GSE1: variants seen among roughly 807,000 people sequenced by gnomAD.
GSE1 encodes the protein Gse1 coiled-coil protein.
GSE1 carries 32 observed loss-of-function variants against 112.6 expected under a neutral mutation model. That is an observed-to-expected ratio of 0.28 (90% CI 0.21 to 0.38). The LOEUF (loss-of-function observed/expected upper bound fraction) is 0.38. Among genes scored for constraint, GSE1 ranks in the 10% least tolerant of loss-of-function variants. The probability of loss-of-function intolerance (pLI) is 1.00; values close to 1 mark genes in which losing one functional copy is unlikely to be tolerated. For missense variants in GSE1, 2,348 were observed against 1,699.2 expected, an observed-to-expected ratio of 1.38 and a Z score of -6.71; for synonymous variants, 1,115 against 735.6, an observed-to-expected ratio of 1.52 and a Z score of -8.35.
rs557162618 is a variant in GSE1, at chr16:85,474,352, C to T, written c.2464+116709C>T. On this transcript the variant is annotated intron_variant, in intron 2 of 2. Coordinates refer to the GSE1 transcript ENST00000637419. ...CTGCCCTGCCCTCTGCCCTCCTCCGCATCCTGCCACGTTGGCAGCTGCTGT... is the reference window on the plus strand; with the variant it reads ...CTGCCCTGCCCTCTGCCCTCCTCCGTATCCTGCCACGTTGGCAGCTGCTGT... 1.2e-4 allele frequency among the ~76,000 whole-genome samples: 18 copies of T among 152,278 alleles called. 1 individual carries two copies. The highest frequency in any genetic ancestry group is 4.3e-4 in the African/African-American group (18 of 41,562).
intron 2 of GSE1, among the ~76,000 whole-genome samples, chr16:85,546,814 C>T (rs541238250): frequency 2.0e-5 from 3 of 152,216 alleles, no homozygotes; most frequent in African/African-American, 4.8e-5. Context: ...GGATTCTTGT[C>T]GTTACTGTCA....
At chr16:85,652,871 T>A (rs1275150177) in intron 3 of GSE1, among the ~76,000 whole-genome samples, 1 of 151,998 alleles carries the variant, frequency 6.6e-6, no homozygotes, top group Non-Finnish European at 1.5e-5. Context: ...ATTTCGTGGC[T>A]CAGGGAGGCA....
At chr16:85,647,994 A>G (rs946367936) in intron 2 of GSE1, among the ~76,000 whole-genome samples, 10 of 150,030 alleles carry the variant, frequency 6.7e-5, no homozygotes, top group African/African-American at 2.2e-4. Flanking sequence ...CCCCAAGCAC[A>G]TGGGGGCTCC....
intron 1 of GSE1, among the ~76,000 whole-genome samples, chr16:85,630,160 G>C (rs1048989849): frequency 6.6e-6 from 1 of 152,102 alleles, no homozygotes; most frequent in Non-Finnish European, 1.5e-5. Context: ...CTCATGATAC[G>C]GCAGCTGACC....
At chr16:85,650,524 C>T (rs1401519143) in intron 3 of GSE1, among the ~76,000 whole-genome samples, 1 of 152,228 alleles carries the variant, frequency 6.6e-6, no homozygotes, top group Non-Finnish European at 1.5e-5. Flanking sequence ...ATTCCAGCGC[C>T]TTTTCCGGCG....
At chr16:85,361,105 G>A (rs1159963229) in intron 2 of GSE1, among the ~76,000 whole-genome samples, 1 of 148,462 alleles carries the variant, frequency 6.7e-6, no homozygotes, top group South Asian at 2.2e-4. Context: ...ACACACACGG[G>A]CAGAGACAGA....
At chr16:85,397,857 G>T (rs568379141) in intron 2 of GSE1, among the ~76,000 whole-genome samples, 5 of 152,232 alleles carry the variant, frequency 3.3e-5, no homozygotes, top group Admixed American at 2.0e-4. Context: ...CCTCCAGCCC[G>T]CATAGAAGGA....
At chr16:85,187,260 T>C (rs1017334553) in intron 1 of GSE1, among the ~76,000 whole-genome samples, 1 of 152,164 alleles carries the variant, frequency 6.6e-6, no homozygotes, top group Non-Finnish European at 1.5e-5. Flanking sequence ...ATCAGGCCAG[T>C]GGAATGCAGC....
At chr16:85,588,985 A>G (rs528458771) in intron 1 of GSE1, among the ~76,000 whole-genome samples, 4 of 152,224 alleles carry the variant, frequency 2.6e-5, no homozygotes, top group Admixed American at 1.3e-4. Context: ...ACATGTTCAC[A>G]CATATACTCA....
intron 2 of GSE1, among the ~76,000 whole-genome samples, chr16:85,530,349 C>T (rs2044097905): frequency 6.6e-6 from 1 of 152,200 alleles, no homozygotes; most frequent in African/African-American, 2.4e-5. Flanking sequence ...TGTATCTCCT[C>T]CCCGGTGATG....
At chr16:85,215,999 G>A (rs778953512) in intron 1 of GSE1, among the ~76,000 whole-genome samples, 2 of 152,190 alleles carry the variant, frequency 1.3e-5, no homozygotes, top group Non-Finnish European at 1.5e-5. Flanking sequence ...TACTTGACAC[G>A]TGTTCCCTTC....
intron 2 of GSE1, among the ~76,000 whole-genome samples, chr16:85,540,118 G>A (rs2044471076): frequency 6.6e-6 from 1 of 152,180 alleles, no homozygotes; most frequent in South Asian, 2.1e-4. Flanking sequence ...TGGGAAGTGT[G>A]GTTTGTTGTT....
chr16:85,567,121 G>T (rs1336214121), intron 1 of GSE1, among the ~76,000 whole-genome samples: 1 of 140,166 alleles, frequency 7.1e-6, no homozygotes, highest in Non-Finnish European at 1.6e-5. Flanking sequence ...GATTTCAACC[G>T]CCTGTGCTGT....
chr16:85,416,072 G>A (rs778077606), intron 2 of GSE1, among the ~76,000 whole-genome samples: 5 of 152,116 alleles, frequency 3.3e-5, no homozygotes, highest in South Asian at 2.1e-4. Context: ...CATTAAAGCC[G>A]GGCCTATAAT....
intron 1 of GSE1, among the ~76,000 whole-genome samples, chr16:85,205,957 C>T (rs1209456071): frequency 2.6e-5 from 4 of 152,322 alleles, no homozygotes; most frequent in African/African-American, 7.2e-5. Flanking sequence ...TCCTCCCTCA[C>T]GGAGCTTCCA....
chr16:85,653,173 C>G (rs1417169836), intron 3 of GSE1, among the ~76,000 whole-genome samples: 1 of 122,086 alleles, frequency 8.2e-6, no homozygotes, highest in African/African-American at 3.2e-5. Context: ...CTGGGCCGCC[C>G]TGAGGCTCCC....
At chr16:85,616,385 G>A (rs1390331651) in intron 1 of GSE1, among the ~76,000 whole-genome samples, 1 of 152,218 alleles carries the variant, frequency 6.6e-6, no homozygotes. Context: ...GCTCGCAGGG[G>A]CTTGTGGAGT....
At chr16:85,337,802 A>T (rs1195597719) in intron 1 of GSE1, among the ~76,000 whole-genome samples, 9 of 152,222 alleles carry the variant, frequency 5.9e-5, no homozygotes, top group Non-Finnish European at 1.0e-4. Context: ...GGCGTCTGAA[A>T]TGGAAGCGTC....
intron 2 of GSE1, among the ~76,000 whole-genome samples, chr16:85,504,833 C>T (rs1257094967): frequency 1.3e-5 from 2 of 152,148 alleles, no homozygotes; most frequent in Non-Finnish European, 2.9e-5. Context: ...TGCTCCAGGC[C>T]GGTGGCTCTG....
Sources: gnomAD v4.1 joint callset for allele counts (sites outside exome capture counted in the v4.1 genomes callset) on GRCh38, gnomAD v4.1.1 for gene constraint, MANE v1.5 for transcripts, NCBI Gene and HGNC (gene_info 2026-07-23, HGNC 2026-07-21) for gene names.